The following SH3TC1 variants were observed in gnomAD, a reference collection of about 807,000 sequenced individuals.
SH3TC1 encodes the protein SH3 domain and tetratricopeptide repeat-containing protein 1.
In SH3TC1, 135 loss-of-function variants were observed where a neutral mutation model predicts 117.3. That is an observed-to-expected ratio of 1.15 (90% CI 1.00 to 1.33). The LOEUF (loss-of-function observed/expected upper bound fraction) is 1.33, where lower values mean the gene tolerates loss of function less well. Ranked by LOEUF, SH3TC1 falls within the 40% of genes most tolerant of loss-of-function variation. SH3TC1 has a pLI of 0.00. For missense variants in SH3TC1, 2,092 were observed against 1,794.3 expected (o/e 1.17, Z -3.00); for synonymous variants, 898 against 816.9 (o/e 1.10, Z -1.69).
chr4:8,237,647 G>A lies in SH3TC1; in HGVS notation c.3730G>A (p.Asp1244Asn), dbSNP rs1328632399. The A allele has an allele frequency of 6.2e-7, 1 of 1,608,442 alleles. No individual in the cohort carries two copies. Residue 1244 changes from aspartate to asparagine, a missense_variant, in exon 17 of 18, where the codon GAC becomes AAC. Coordinates refer to ENST00000245105, the MANE Select transcript of SH3TC1 (RefSeq NM_018986.5). ...YYVKVYLVLG[D>N]IIFYDLKDPF... ...CGTGAAGGTGTACCTGGTGCTCGGT[G>A]ACATCATCTTCTACGACCTGAAGGT...
chr4:8,191,115 G>C (rs186056773), intron 1 of SH3TC1, among the ~76,000 whole-genome samples: 1 of 152,256 alleles, frequency 6.6e-6, no homozygotes, highest in Non-Finnish European at 1.5e-5. Flanking sequence ...AATCTCCTCT[G>C]GGGAAACAGC....
At chr4:8,216,454 C>T (rs1353212529) in intron 6 of SH3TC1, among the ~76,000 whole-genome samples, 197 bp downstream of exon 6, 2 of 152,180 alleles carry the variant, frequency 1.3e-5, no homozygotes, top group Admixed American at 1.3e-4. Flanking sequence ...CCCTGGCCAG[C>T]CCCCAGGGAC....
At chr4:8,230,057 C>T (rs575874810) in intron 12 of SH3TC1, among the ~76,000 whole-genome samples, 6 of 151,834 alleles carry the variant, frequency 4.0e-5, no homozygotes, top group Non-Finnish European at 8.8e-5. Flanking sequence ...TCTCCCCACC[C>T]CGCGTTGAAC....
intron 5 of SH3TC1, among the ~76,000 whole-genome samples, chr4:8,215,858 G>A (rs1354797907): frequency 6.6e-6 from 1 of 152,260 alleles, no homozygotes; most frequent in Non-Finnish European, 1.5e-5. Context: ...GAGGCGTGGA[G>A]AGGTCAGATA....
At position 8,192,173 on chromosome 4, in the gene SH3TC1, T is replaced by A. The variant is rs186465392; in HGVS notation, c.-57+9963T>A. On this transcript the variant is annotated intron_variant, in intron 1 of 16. Transcript: ENST00000508641. The surrounding 1 kb of genome is among the most constrained non-coding windows in gnomAD (Gnocchi z 4.1). ...CTCAGCTAATTTTTGTATTTTTTTTTATTAGAGATGGGATTTCACCATGTG... is the reference window on the plus strand; with the variant it reads ...CTCAGCTAATTTTTGTATTTTTTTTAATTAGAGATGGGATTTCACCATGTG... Among the ~76,000 whole-genome samples, 420 of 151,940 alleles carry A rather than the reference T, an allele frequency of 2.8e-3. 2 individuals carry two copies. The highest frequency in any genetic ancestry group is 8.2e-3 in the African/African-American group (340 of 41,414).
chr4:8,234,863 TCTC>T (rs1721664281), intron 14 of SH3TC1, among the ~76,000 whole-genome samples: 1 of 152,208 alleles, frequency 6.6e-6, no homozygotes, highest in South Asian at 2.1e-4. Context: ...ATGTGGCAAA[TCTC>T]CTTACAAAAT....
In SH3TC1 at chr4:8,225,525, C is replaced by G. The variant is rs1720383580; in HGVS notation, c.1285+309C>G. Among the ~76,000 whole-genome samples the G allele has an allele frequency of 1.3e-5, 2 of 152,156 alleles. No individual in the cohort carries two copies. Among genetic ancestry groups the G allele is most frequent in the Non-Finnish European group, 2.9e-5 (2 of 68,022 alleles). The stretch of plus-strand genomic sequence containing the variant: ...TAGCTGTGGGTTCCTTTCTCATGAC[C>G]TGGAGAAGCTGCAGCTTGCCCTCTG... On this transcript the variant is annotated intron_variant, in intron 11 of 17. Coordinates refer to ENST00000245105, the MANE Select transcript of SH3TC1 (RefSeq NM_018986.5). This position sits in a 1 kb window ranked among gnomAD's most constrained non-coding sequence, Gnocchi z 5.5.
Position 8,183,486 on chromosome 4 carries a change from C to T in SH3TC1, c.-57+1276C>T, listed in dbSNP as rs73800414. 3.4e-3 allele frequency among the ~76,000 whole-genome samples: 514 copies of T among 152,312 alleles called. 2 individuals carry two copies. Among genetic ancestry groups the T allele is most frequent in the African/African-American group, 0.012 (487 of 41,576 alleles). ...GGCCTGAGGCCCATGGCAAGCAGCC[C>T]CACCCAAGCAGGCGGCTCCAGGCTT... On this transcript the variant is annotated intron_variant, in intron 1 of 16. Transcript: ENST00000508641. The surrounding 1 kb of genome is among the most constrained non-coding windows in gnomAD (Gnocchi z 5.4).
At chr4:8,229,826 C>G (rs1720980857) in intron 12 of SH3TC1, among the ~76,000 whole-genome samples, 1 of 152,104 alleles carries the variant, frequency 6.6e-6, no homozygotes, top group African/African-American at 2.4e-5. Context: ...GCACAATAGC[C>G]TGTGGCACCT....
intron 4 of SH3TC1, 131 bp downstream of exon 4, chr4:8,212,959 G>T: frequency 7.7e-7 from 1 of 1,303,528 alleles, no homozygotes; most frequent in Non-Finnish European, 1.0e-6. Flanking sequence ...CAGGACAGTG[G>T]TGGCCTTGGA....
chr4:8,201,689 T>C (rs1281124), intron 1 of SH3TC1: 120,312 of 152,242 alleles, frequency 0.79, 48,762 homozygotes, highest in East Asian at 1. Context: ...TGCACAGGAA[T>C]CCCACGCTTA....
At chr4:8,232,797 C>G in intron 13 of SH3TC1, 1 of 1,287,028 alleles carries the variant, frequency 7.8e-7, no homozygotes, top group Non-Finnish European at 1.0e-6. Context: ...GAGATCGGCT[C>G]CAGCCTTGGC....
rs944621502 is a variant in SH3TC1, at chr4:8,225,963, G to T, written c.1285+747G>T. 1.3e-5 allele frequency among the ~76,000 whole-genome samples: 2 copies of T among 152,152 alleles called. No individual in the cohort carries two copies. The highest frequency in any genetic ancestry group is 4.8e-5 in the African/African-American group (2 of 41,424). On this transcript the variant is annotated intron_variant, in intron 11 of 17. Transcript: ENST00000245105. This position sits in a 1 kb window ranked among gnomAD's most constrained non-coding sequence, Gnocchi z 5.5. ...AGCTGCCCCCAAGGCCAGGGTAATA[G>T]CTGGGAGGGGCTGTTTGCCTCTGCC...
At chr4:8,237,384 T>A (rs1721912026) in intron 16 of SH3TC1, 90 bp from the exon 17 acceptor site, 1 of 1,160,092 alleles carries the variant, frequency 8.6e-7, no homozygotes, top group East Asian at 2.8e-5. Context: ...GTGACCGCAG[T>A]GCCTGGAGGC....
At chr4:8,234,291 CATCCATCCACCCACCCATCTACCCATTA>C (rs1253173036) in intron 14 of SH3TC1, among the ~76,000 whole-genome samples, 19 of 152,062 alleles carry the variant, frequency 1.2e-4, no homozygotes, top group African/African-American at 2.7e-4. Context: ...ATCCATCATT[CATCCATCCACCCACCCATCTACCCATTA>C]ATCCATCCCT....
chr4:8,213,361 A>T (rs893486434), intron 4 of SH3TC1: 1 of 155,006 alleles, frequency 6.5e-6, no homozygotes, highest in Non-Finnish European at 1.4e-5. Context: ...GGTGCCTCTT[A>T]GCCTCTGTGA....
In SH3TC1 at chr4:8,212,810, G is replaced by C; in HGVS notation, c.357G>C (p.Glu119Asp). 5.6e-6 allele frequency: 9 copies of C among 1,593,842 alleles called. No individual in the cohort carries two copies. The highest frequency in any genetic ancestry group is 7.7e-6 in the Non-Finnish European group (9 of 1,170,500). ...GCCTGCTGGAGAATGATAGCCGGGA[G>C]ATGGCCCGCGTGCTTGGGGTGAGTA... ...QLRLLENDSR[E>D]MARVLGELSA... is the part of the protein sequence containing the mutation. Residue 119 changes from glutamate to aspartate, a missense_variant, in exon 4 of 18, where the codon GAG becomes GAC. By Grantham distance (45) the Glu-to-Asp change is conservative (BLOSUM62 2). Coordinates refer to ENST00000245105, the MANE Select transcript of SH3TC1 (RefSeq NM_018986.5).
Position 8,192,481 on chromosome 4 carries a change from ATT to A in SH3TC1, c.-57+10274_-57+10275del, listed in dbSNP as rs1415906257. Among the ~76,000 whole-genome samples the A allele has an allele frequency of 6.7e-6, 1 of 149,372 alleles. No individual in the cohort carries two copies. Among genetic ancestry groups the A allele is most frequent in the Non-Finnish European group, 1.5e-5 (1 of 67,478 alleles). On this transcript the variant is annotated intron_variant, in intron 1 of 16. Coordinates refer to the SH3TC1 transcript ENST00000508641. This position sits in a 1 kb window ranked among gnomAD's most constrained non-coding sequence, Gnocchi z 4.1. ...ATTTTATTTTATTTTATTTTATTTT[ATT>A]TTATTTTATTTTATTTCATTTTATT...
chr4:8,225,053 C>T lies in SH3TC1; in HGVS notation c.1244-122C>T, dbSNP rs1720331932. On this transcript the variant is annotated intron_variant, in intron 10 of 17. Coordinates refer to ENST00000245105, the MANE Select transcript of SH3TC1 (RefSeq NM_018986.5). The surrounding 1 kb of genome is among the most constrained non-coding windows in gnomAD (Gnocchi z 5.5). ...GCAACACCAGCACCCTGCAACATCT[C>T]AGCCCTCAATACCTGCACCCAGCAA... 1.7e-6 allele frequency: 2 copies of T among 1,199,444 alleles called. No individual in the cohort carries two copies. The highest frequency in any genetic ancestry group is 1.2e-6 in the Non-Finnish European group (1 of 834,858). 74.3% of individuals were successfully genotyped at this position (1,199,444 alleles called of 1,614,324 possible). A position where few individuals can be genotyped will look rare whatever the true frequency, so the allele number is the denominator to read the frequency against.
Sources: gnomAD v4.1 joint callset for allele counts (sites outside exome capture counted in the v4.1 genomes callset) on GRCh38, gnomAD v4.1.1 for gene constraint, Gnocchi (gnomAD v3.1) non-coding constraint, MANE v1.5 for transcripts, NCBI Gene and HGNC (gene_info 2026-07-23, HGNC 2026-07-21) for gene names.